The following MLANA variants were observed in gnomAD, a reference collection of about 807,000 sequenced individuals.
MLANA encodes the protein melan-A, also known as melanoma antigen recognized by T-cells 1.
Under a neutral mutation model 15.7 loss-of-function variants are expected in MLANA, and 21 were observed. The observed-to-expected ratio is 1.33, with a 90% CI of 0.95 to 1.92. The LOEUF (loss-of-function observed/expected upper bound fraction) is 1.92, where lower values mean the gene tolerates loss of function less well. Ranked by LOEUF, MLANA falls within the 40% of genes most tolerant of loss-of-function variation. The pLI is 0.00. For synonymous variants in MLANA, 56 were observed against 51.5 expected (o/e 1.09, Z -0.37); for missense variants, 164 against 143.8 (o/e 1.14, Z -0.72).
At chr9:5,893,143 T>A (rs1831762306) in intron 2 of MLANA, among the ~76,000 whole-genome samples, 1 of 152,232 alleles carries the variant, frequency 6.6e-6, no homozygotes, top group Non-Finnish European at 1.5e-5. Context: ...AGACACTGTT[T>A]TTATCTTTGA....
chr9:5,897,972 C>T (rs1022925585), intron 3 of MLANA: 3 of 273,478 alleles, frequency 1.1e-5, no homozygotes, highest in East Asian at 1.4e-4. Context: ...AGGGGCCACA[C>T]CTGGTGAGGA....
rs1199550960 is a variant in MLANA at position 5,908,715 on chromosome 9, G to A, written c.*7G>A. On this transcript the variant is annotated 3_prime_UTR_variant, in exon 5 of 5. Transcript: ENST00000381477. ...ACCACCTTATTCACCTTAAGAGCCA[G>A]CGAGACACCTGAGACATGCTGAAAT... is the stretch of plus-strand genomic sequence containing the variant. 2.5e-6 allele frequency: 4 copies of A among 1,611,836 alleles called. No homozygotes were observed. The highest frequency in any genetic ancestry group is 2.5e-6 in the Non-Finnish European group (3 of 1,178,168).
rs532292832 is a variant in MLANA at position 5,906,313 on chromosome 9, G to A, written c.175-572G>A. Among the ~76,000 whole-genome samples, 320 of 145,730 alleles carry A rather than the reference G, an allele frequency of 2.2e-3. 2 individuals are homozygous for A. The highest frequency in any genetic ancestry group is 5.5e-3 in the Admixed American group (79 of 14,350). ...CCATTATACTCCAGCCTGGGCAACA[G>A]AGTGAGACTCTGTCTCAAAAAAAAA... On this transcript the variant is annotated intron_variant, in intron 3 of 4. Coordinates refer to ENST00000381477, the MANE Select transcript of MLANA (RefSeq NM_005511.2).
At chr9:5,902,010 T>C (rs1832460496) in intron 3 of MLANA, among the ~76,000 whole-genome samples, 1 of 90,166 alleles carries the variant, frequency 1.1e-5, no homozygotes, top group Non-Finnish European at 3.0e-5. Flanking sequence ...ATTAGGGTAA[T>C]GCTGGCCTCA....
intron 4 of MLANA, among the ~76,000 whole-genome samples, chr9:5,908,185 C>A (rs1832937976): frequency 1.3e-5 from 2 of 152,114 alleles, no homozygotes; most frequent in Non-Finnish European, 2.9e-5. Flanking sequence ...TAAAAACACT[C>A]CCAGAATTGT....
At position 5,896,948 on chromosome 9, in the gene MLANA, G is replaced by A. The variant is rs142372582; in HGVS notation, c.78-609G>A. Among the ~76,000 whole-genome samples, 24 of 152,340 alleles carry A rather than the reference G, an allele frequency of 1.6e-4. No individual in the cohort carries two copies. The East Asian group carries it at 2.5e-3, about 16-fold the overall frequency. On this transcript the variant is annotated intron_variant, in intron 2 of 4. Transcript: ENST00000381477. ...GGGGAGTTTAGGGAAGGGAGGGCAC[G>A]AACATAATTGAGACGGATTCAGGTT...
At chr9:5,905,613 C>A (rs1435649467) in intron 3 of MLANA, among the ~76,000 whole-genome samples, 1 of 152,242 alleles carries the variant, frequency 6.6e-6, no homozygotes, top group Non-Finnish European at 1.5e-5. Flanking sequence ...TTCCTTTATA[C>A]TGACTTCAAG....
At chr9:5,906,786 G>C in intron 3 of MLANA, 99 bp from the exon 4 acceptor site, 1 of 715,490 alleles carries the variant, frequency 1.4e-6, no homozygotes. Flanking sequence ...GCAGAACCTA[G>C]ATTAAAACTC....
At chr9:5,895,644 G>C (rs1052759831) in intron 2 of MLANA, among the ~76,000 whole-genome samples, 5 of 152,302 alleles carry the variant, frequency 3.3e-5, no homozygotes, top group African/African-American at 1.2e-4. Flanking sequence ...GTCATCCATG[G>C]AACTTGTTAA....
chr9:5,891,599 A>G (rs529192553), intron 1 of MLANA, among the ~76,000 whole-genome samples: 2 of 152,324 alleles, frequency 1.3e-5, no homozygotes, highest in East Asian at 3.9e-4. Flanking sequence ...GAGCAGAAAA[A>G]TACACAATAA....
chr9:5,891,312 G>A (rs1258268733), intron 1 of MLANA: 3 of 152,230 alleles, frequency 2.0e-5, no homozygotes, highest in Non-Finnish European at 4.4e-5. Flanking sequence ...GGTATGGGAT[G>A]TATTAAAACA....
Position 5,908,808 on chromosome 9 carries a change from A to C in MLANA, c.*100A>C. 1 of 1,171,234 alleles carries C rather than the reference A, an allele frequency of 8.5e-7. No homozygotes were observed. The highest frequency in any genetic ancestry group is 1.3e-6 in the Non-Finnish European group (1 of 794,722). The allele number at this position is 1,171,234 out of a possible 1,614,324, so 72.6% of individuals were successfully genotyped here. On this transcript the variant is annotated 3_prime_UTR_variant, in exon 5 of 5. Transcript: ENST00000381477. The stretch of plus-strand genomic sequence containing the variant: ...ATGTTCTCCTTTGGAATGGTGTAGG[A>C]AAAATGCAAGCCATCTCTAATAATA...
rs1429623859 is a variant in MLANA, at chr9:5,909,893, A to G, written c.*1185A>G. The G allele has an allele frequency of 1.3e-5, 2 of 152,228 alleles. No individual in the cohort carries two copies. Among genetic ancestry groups the G allele is most frequent in the Non-Finnish European group, 2.9e-5 (2 of 68,048 alleles). 9.4% of individuals were successfully genotyped at this position (152,228 alleles called of 1,614,324 possible). A position where few individuals can be genotyped will look rare whatever the true frequency, so the allele number is the denominator to read the frequency against. On this transcript the variant is annotated 3_prime_UTR_variant, in exon 5 of 5. Transcript: ENST00000381477. Reference sequence around the variant, plus strand: ...TTGGCTACATCAACGTATCACCTACACTATTATTTATCTAATATTTCTCTT... The same window carrying G: ...TTGGCTACATCAACGTATCACCTACGCTATTATTTATCTAATATTTCTCTT...
chr9:5,892,660 C>T, intron 2 of MLANA, 109 bp downstream of exon 2: 1 of 812,582 alleles, frequency 1.2e-6, no homozygotes, highest in Non-Finnish European at 1.9e-6. Flanking sequence ...GTGTTTATCT[C>T]CCCAGACAGT....
chr9:5,899,207 G>T (rs142432611), intron 3 of MLANA: 24 of 152,176 alleles, frequency 1.6e-4, no homozygotes, highest in African/African-American at 5.1e-4. Context: ...AAAGATGTTG[G>T]AAAGTCCCAT....
At chr9:5,891,714 GA>G (rs1478993310) in intron 1 of MLANA, among the ~76,000 whole-genome samples, 2 of 151,024 alleles carry the variant, frequency 1.3e-5, no homozygotes, top group South Asian at 2.1e-4. Flanking sequence ...GTTATAGTTA[GA>G]AAAAAAAAGA....
intron 1 of MLANA, among the ~76,000 whole-genome samples, chr9:5,892,054 G>C (rs1436978011): frequency 6.6e-6 from 1 of 152,174 alleles, no homozygotes; most frequent in African/African-American, 2.4e-5. Context: ...CTCTAATTTT[G>C]TTAGCCACAG....
intron 3 of MLANA, among the ~76,000 whole-genome samples, chr9:5,903,337 T>G (rs1004064973): frequency 6.6e-6 from 1 of 152,242 alleles, no homozygotes; most frequent in African/African-American, 2.4e-5. Context: ...TTATATCTAG[T>G]TAATCGAAGA....
At position 5,897,555 on chromosome 9, in the gene MLANA, A is replaced by C. The variant is rs911941765; in HGVS notation, c.78-2A>C. On this transcript the variant is annotated splice_acceptor_variant, in intron 2 of 4. Coordinates refer to ENST00000381477, the MANE Select transcript of MLANA (RefSeq NM_005511.2). LOFTEE classifies it high-confidence loss of function. Reference sequence around the variant, plus strand: ...AGTGGATTTGTCTATCTCTTGGGCCAGGGCCGCTGGGATCGGCATCCTGAC... The same window carrying C: ...AGTGGATTTGTCTATCTCTTGGGCCCGGGCCGCTGGGATCGGCATCCTGAC... The C allele has an allele frequency of 6.2e-7, 1 of 1,613,882 alleles. No individual in the cohort carries two copies. The highest frequency in any genetic ancestry group is 8.5e-7 in the Non-Finnish European group (1 of 1,179,704).
Sources: gnomAD v4.1 joint callset for allele counts (sites outside exome capture counted in the v4.1 genomes callset) on GRCh38, gnomAD v4.1.1 for gene constraint, MANE v1.5 for transcripts, NCBI Gene and HGNC (gene_info 2026-07-23, HGNC 2026-07-21) for gene names.